The following FGF12 variants were observed in gnomAD, a reference collection of about 807,000 sequenced individuals.
The protein encoded by FGF12 is fibroblast growth factor 12B.
FGF12 carries 14 observed loss-of-function variants against 23.6 expected under a neutral mutation model. The observed-to-expected ratio is 0.59, with a 90% confidence interval of 0.39 to 0.93. The LOEUF (loss-of-function observed/expected upper bound fraction) is 0.93, where lower values mean the gene tolerates loss of function less well. Ranked by LOEUF, FGF12 falls within the 40% of genes least tolerant of loss-of-function variation. FGF12 has a pLI of 0.00. For missense variants in FGF12, 175 were observed against 217.8 expected (o/e 0.80, Z 1.24); for synonymous variants, 62 against 77.3 (o/e 0.80, Z 1.04).
chr3:192,282,189 G>A (rs572334549), intron 4 of FGF12, among the ~76,000 whole-genome samples: 21 of 152,230 alleles, frequency 1.4e-4, no homozygotes, highest in Non-Finnish European at 2.4e-4. Flanking sequence ...TAGAATGCAA[G>A]CTCCATTTGT....
chr3:192,345,704 A>AG lies in FGF12; in HGVS notation c.125-10241dup, dbSNP rs1294216801. Among the ~76,000 whole-genome samples, 3 of 151,542 alleles carry AG rather than the reference A, an allele frequency of 2.0e-5. 1 individual carries two copies. Among genetic ancestry groups the AG allele is most frequent in the Non-Finnish European group, 4.4e-5 (3 of 67,850 alleles). On this transcript the variant is annotated intron_variant, in intron 3 of 5. Coordinates refer to ENST00000445105, the MANE Select transcript of FGF12 (RefSeq NM_004113.6). ...TCCGTCTCAAAAAAAAAAAAAAAAA[A>AG]GATATAACATAAAATTCTAATGATA...
At chr3:192,176,897 A>C (rs754467422) in intron 4 of FGF12, among the ~76,000 whole-genome samples, 1 of 152,208 alleles carries the variant, frequency 6.6e-6, no homozygotes, top group Non-Finnish European at 1.5e-5. Context: ...CAACTAACAC[A>C]TTCCCCTTCT....
At chr3:192,368,195 T>G (rs1170722351) in intron 2 of FGF12, among the ~76,000 whole-genome samples, 2 of 152,132 alleles carry the variant, frequency 1.3e-5, no homozygotes, top group South Asian at 4.1e-4. Context: ...CTATGACTGC[T>G]TTAAAACTAC....
chr3:192,438,811 C>T (rs554069700), intron 2 of FGF12, among the ~76,000 whole-genome samples: 2 of 152,322 alleles, frequency 1.3e-5, no homozygotes, highest in African/African-American at 4.8e-5. Context: ...GTCAAAGCCT[C>T]TTAGTCTCTC....
At chr3:192,434,553 G>GTGTGCCTGTGT (rs1721958314) in intron 2 of FGF12, among the ~76,000 whole-genome samples, 1 of 152,288 alleles carries the variant, frequency 6.6e-6, no homozygotes, top group South Asian at 2.1e-4. Flanking sequence ...GTATGTGTGT[G>GTGTGCCTGTGT]TGTGCATGTG....
chr3:192,196,353 A>G (rs945673498), intron 4 of FGF12, among the ~76,000 whole-genome samples: 2 of 152,336 alleles, frequency 1.3e-5, no homozygotes. Flanking sequence ...ATCTGGGTAA[A>G]TAGCACATTT....
chr3:192,477,377 G>C (rs950153371), intron 2 of FGF12, among the ~76,000 whole-genome samples: 2 of 152,144 alleles, frequency 1.3e-5, no homozygotes, highest in Non-Finnish European at 2.9e-5. Flanking sequence ...AGGGGATCTG[G>C]AGGCCCAAAC....
At chr3:192,600,555 A>G (rs1179663915) in intron 2 of FGF12, among the ~76,000 whole-genome samples, 1 of 152,152 alleles carries the variant, frequency 6.6e-6, no homozygotes, top group East Asian at 1.9e-4. Context: ...CATACAACAG[A>G]AGATTAATGT....
intron 2 of FGF12, among the ~76,000 whole-genome samples, chr3:192,659,253 A>T (rs1341260182): frequency 6.6e-6 from 1 of 152,196 alleles, no homozygotes; most frequent in African/African-American, 2.4e-5. Flanking sequence ...TTCTCCCTAC[A>T]TCCCATTAAA....
chr3:192,623,601 A>G (rs566069351), intron 2 of FGF12, among the ~76,000 whole-genome samples: 2 of 152,352 alleles, frequency 1.3e-5, no homozygotes, highest in South Asian at 4.1e-4. Flanking sequence ...GCAAGGCTCT[A>G]TGAATGAAGG....
chr3:192,167,437 C>T (rs1484772206), intron 5 of FGF12, among the ~76,000 whole-genome samples: 5 of 151,726 alleles, frequency 3.3e-5, no homozygotes, highest in South Asian at 2.1e-4. Flanking sequence ...GTAAATAAGC[C>T]GTAGCAAAAC....
intron 2 of FGF12, among the ~76,000 whole-genome samples, chr3:192,645,309 AAAG>A (rs369516632): frequency 5.3e-4 from 80 of 152,276 alleles, no homozygotes; most frequent in African/African-American, 1.8e-3. Context: ...AACAGAGAGA[AAAG>A]AAGTAATTAA....
At chr3:192,394,851 A>G (rs1395143621) in intron 2 of FGF12, among the ~76,000 whole-genome samples, 2 of 152,248 alleles carry the variant, frequency 1.3e-5, no homozygotes, top group African/African-American at 4.8e-5. Context: ...AAAAGAAGAA[A>G]AACAAATGAG....
intron 2 of FGF12, among the ~76,000 whole-genome samples, chr3:192,457,801 C>G (rs1722726182): frequency 6.6e-6 from 1 of 152,166 alleles, no homozygotes; most frequent in African/African-American, 2.4e-5. Flanking sequence ...ATCCCCAAGA[C>G]CATGGGGAAA....
intron 4 of FGF12, among the ~76,000 whole-genome samples, chr3:192,208,852 C>T (rs943697843): frequency 6.6e-6 from 1 of 152,190 alleles, no homozygotes; most frequent in African/African-American, 2.4e-5. Context: ...TCTAACTTAG[C>T]TACTGTCTAT....
chr3:192,174,595 G>A (rs748995280), intron 4 of FGF12, among the ~76,000 whole-genome samples: 2 of 152,132 alleles, frequency 1.3e-5, no homozygotes, highest in Non-Finnish European at 2.9e-5. Flanking sequence ...CACTGAACCA[G>A]CTTGGATAGT....
chr3:192,161,505 TACACAC>T (rs10543146), intron 5 of FGF12, among the ~76,000 whole-genome samples: 2,418 of 149,330 alleles, frequency 0.016, 47 homozygotes, highest in African/African-American at 0.051. Flanking sequence ...AACGCCTATT[TACACAC>T]ACACACACAC....
rs1715461575 is a variant in FGF12 at position 192,170,096 on chromosome 3, G to C, written c.427+362C>G. Among the ~76,000 whole-genome samples the C allele has an allele frequency of 5.6e-5, 8 of 143,406 alleles. No individual in the cohort carries two copies. The South Asian group carries it at 1.9e-3, about 34-fold the overall frequency. 94.1% of individuals were successfully genotyped at this position (143,406 alleles called of 152,430 possible). On this transcript the variant is annotated intron_variant, in intron 5 of 5. Transcript: ENST00000445105. Reference sequence around the variant, plus strand: ...AAATTTTTCCGGCTTCTATATTCAGGCATTTTTTTTAAGTGCCAAGTATTT... The same window carrying C: ...AAATTTTTCCGGCTTCTATATTCAGCCATTTTTTTTAAGTGCCAAGTATTT...
intron 2 of FGF12, among the ~76,000 whole-genome samples, chr3:192,478,066 T>C (rs1479211873): frequency 1.3e-5 from 2 of 152,182 alleles, no homozygotes; most frequent in Non-Finnish European, 2.9e-5. Flanking sequence ...ATTCAAAATA[T>C]CCTTGGTAGG....
Sources: gnomAD v4.1 joint callset for allele counts (sites outside exome capture counted in the v4.1 genomes callset) on GRCh38, gnomAD v4.1.1 for gene constraint, MANE v1.5 for transcripts, NCBI Gene and HGNC (gene_info 2026-07-23, HGNC 2026-07-21) for gene names.